The following TFB1M variants were observed in gnomAD, a reference collection of about 807,000 sequenced individuals.
TFB1M encodes dimethyladenosine transferase 1, mitochondrial.
In TFB1M, 27 loss-of-function variants were observed where a neutral mutation model predicts 31.1. The observed-to-expected ratio is 0.87, with a 90% confidence interval of 0.64 to 1.20. TFB1M has a LOEUF of 1.20. Ranked by LOEUF, TFB1M falls within the 50% of genes most tolerant of loss-of-function variation. The pLI is 0.00. For synonymous variants in TFB1M, 166 were observed against 151.8 expected, an observed-to-expected ratio of 1.09 and a Z score of -0.69; for missense variants, 394 against 418.7, an observed-to-expected ratio of 0.94 and a Z score of 0.51.
chr6:155,242,899 C>CTT, the TFB1M span, among the ~76,000 whole-genome samples: 1 of 63,148 alleles, frequency 1.6e-5, no homozygotes, highest in Non-Finnish European at 3.2e-5. Context: ...CCACACCCAG[C>CTT]TATTTTTTTT....
intron 4 of TFB1M, among the ~76,000 whole-genome samples, chr6:155,296,271 C>G (rs530839393): frequency 1.6e-4 from 25 of 151,726 alleles, no homozygotes; most frequent in African/African-American, 5.8e-4. Context: ...TTCCCGCATG[C>G]CCCGCCGAGA....
intron 2 of TFB1M, among the ~76,000 whole-genome samples, chr6:155,299,208 A>G (rs1274761179): frequency 6.6e-6 from 1 of 152,126 alleles, no homozygotes; most frequent in Non-Finnish European, 1.5e-5. Flanking sequence ...ATGTTTAACA[A>G]TAGCTACTTC....
the TFB1M span, chr6:155,243,962 T>G: frequency 6.5e-7 from 1 of 1,536,958 alleles, no homozygotes; most frequent in Non-Finnish European, 9.0e-7. Flanking sequence ...ATCTCATGGG[T>G]ATTTTGGAGA....
chr6:155,240,805 C>CGAGA, the TFB1M span: 7 of 1,303,476 alleles, frequency 5.4e-6, no homozygotes, highest in East Asian at 7.3e-5. Flanking sequence ...CCCAGGACAC[C>CGAGA]TGCCACTCCC....
Position 155,311,302 on chromosome 6 carries a change from A to G in TFB1M, c.171T>C (p.Ala57=). 6.2e-7 allele frequency: 1 copy of G among 1,614,064 alleles called. No individual in the cohort carries two copies. Among genetic ancestry groups the G allele is most frequent in the Non-Finnish European group, 8.5e-7 (1 of 1,179,922 alleles). The stretch of plus-strand genomic sequence containing the variant: ...GCCCAGGGCCCACTTCGTAAACATA[A>G]GCATTTGTCAGATTGCCAGCTTTCC... ...IVRKAGNLTN[A]YVYEVGPGPG... The change falls in exon 2 of 7, where the codon GCT becomes GCC. Residue 57 remains alanine, a synonymous_variant. Coordinates refer to ENST00000367166, the MANE Select transcript of TFB1M (RefSeq NM_016020.4).
chr6:155,299,813 A>G (rs1247589133), intron 2 of TFB1M, among the ~76,000 whole-genome samples: 1 of 152,194 alleles, frequency 6.6e-6, no homozygotes, highest in Admixed American at 6.5e-5. Flanking sequence ...ATGATCACAG[A>G]AGCCAGAGAG....
At chr6:155,308,869 C>T (rs1777898955) in intron 2 of TFB1M, among the ~76,000 whole-genome samples, 1 of 152,116 alleles carries the variant, frequency 6.6e-6, no homozygotes, top group South Asian at 2.1e-4. Flanking sequence ...TGCTTTTACT[C>T]AGTTTTATGA....
At chr6:155,307,540 C>T (rs1035014321) in intron 2 of TFB1M, among the ~76,000 whole-genome samples, 1 of 152,156 alleles carries the variant, frequency 6.6e-6, no homozygotes, top group Admixed American at 6.5e-5. Flanking sequence ...TCAATCATCT[C>T]CCACTGAGTC....
downstream of TFB1M, chr6:155,254,439 A>G (rs775162854): frequency 6.2e-7 from 1 of 1,613,096 alleles, no homozygotes; most frequent in Non-Finnish European, 8.5e-7. Flanking sequence ...AGCAAAACCA[A>G]CATTGTTAAG....
downstream of TFB1M, among the ~76,000 whole-genome samples, chr6:155,252,240 T>G (rs1488427969): frequency 6.6e-6 from 1 of 152,138 alleles, no homozygotes; most frequent in African/African-American, 2.4e-5. Flanking sequence ...CTCAGCACTT[T>G]GGGAGGCTGA....
At chr6:155,276,124 G>A (rs760016942) in intron 5 of TFB1M, 40 of 1,613,960 alleles carry the variant, frequency 2.5e-5, no homozygotes, top group Non-Finnish European at 3.0e-5. Context: ...GTTTAATCTC[G>A]ACAGTGTGGT....
downstream of TFB1M, chr6:155,253,220 G>C: frequency 1.8e-6 from 1 of 552,666 alleles, no homozygotes; most frequent in Non-Finnish European, 3.2e-6. Flanking sequence ...CAGACTTCTG[G>C]GAGAAACTAA....
intron 4 of TFB1M, among the ~76,000 whole-genome samples, chr6:155,288,754 C>G (rs1373700073): frequency 2.0e-5 from 3 of 152,142 alleles, no homozygotes; most frequent in Non-Finnish European, 1.5e-5. Flanking sequence ...ATAGCTGTCC[C>G]TAACTCATTA....
chr6:155,232,266 G>GT, the TFB1M span, among the ~76,000 whole-genome samples: 2 of 142,814 alleles, frequency 1.4e-5, no homozygotes, highest in African/African-American at 5.4e-5. Context: ...GCAATTTTTA[G>GT]TGTTTTTTTT....
the TFB1M span, among the ~76,000 whole-genome samples, chr6:155,241,340 C>G: frequency 6.6e-6 from 1 of 152,170 alleles, no homozygotes; most frequent in Admixed American, 6.5e-5. Context: ...GCTTTGTTTC[C>G]TGGAGCTTTG....
intron 5 of TFB1M, among the ~76,000 whole-genome samples, chr6:155,267,874 A>C (rs1462972416): frequency 6.6e-6 from 1 of 152,244 alleles, no homozygotes; most frequent in Admixed American, 6.5e-5. Context: ...TTGCAGAACT[A>C]ACCTTGAACA....
intron 5 of TFB1M, among the ~76,000 whole-genome samples, chr6:155,277,458 C>T (rs544623100): frequency 6.5e-4 from 99 of 152,226 alleles, no homozygotes; most frequent in Middle Eastern, 3.4e-3. Flanking sequence ...TTAATTGAAG[C>T]TTAGTCATTG....
the TFB1M span, chr6:155,240,762 G>C: frequency 9.0e-6 from 14 of 1,555,256 alleles, no homozygotes; most frequent in African/African-American, 1.3e-5. Flanking sequence ...GATGGCAAGT[G>C]GTATGCTGGC....
intron 5 of TFB1M, 135 bp from the exon 6 acceptor site, chr6:155,260,535 C>T (rs1325042653): frequency 2.8e-5 from 32 of 1,142,570 alleles, no homozygotes; most frequent in Admixed American, 7.8e-5. Flanking sequence ...CCACGTACTT[C>T]GGTTTCATCT....
Sources: gnomAD v4.1 joint callset for allele counts (sites outside exome capture counted in the v4.1 genomes callset) on GRCh38, gnomAD v4.1.1 for gene constraint, MANE v1.5 for transcripts, NCBI Gene and HGNC (gene_info 2026-07-23, HGNC 2026-07-21) for gene names.